The following KIF15 variants were observed in gnomAD, a reference collection of about 807,000 sequenced individuals.
KIF15 encodes the protein kinesin-like protein KIF15.
KIF15 carries 140 observed loss-of-function variants against 190.6 expected under a neutral mutation model. The ratio of observed to expected loss-of-function variants is 0.73; its 90% confidence interval spans 0.64 to 0.84. The LOEUF (loss-of-function observed/expected upper bound fraction) is 0.84, where lower values mean the gene tolerates loss of function less well. Among genes scored for constraint, KIF15 ranks in the 40% least tolerant of loss-of-function variants. The pLI, the probability that KIF15 is intolerant of heterozygous loss-of-function variation, is 0.00. For synonymous variants in KIF15, 528 were observed against 551.3 expected, an observed-to-expected ratio of 0.96 and a Z score of 0.59; for missense variants, 1,372 against 1,584.4, an observed-to-expected ratio of 0.87 and a Z score of 2.28.
intron 1 of KIF15, among the ~76,000 whole-genome samples, chr3:44,770,271 G>C (rs1179378843): frequency 6.6e-6 from 1 of 152,204 alleles, no homozygotes; most frequent in Non-Finnish European, 1.5e-5. Flanking sequence ...TACTTGGCTT[G>C]ATTCTTTGCA....
intron 7 of KIF15, among the ~76,000 whole-genome samples, chr3:44,787,805 T>C (rs1044070057): frequency 2.0e-5 from 3 of 152,200 alleles, no homozygotes; most frequent in Non-Finnish European, 4.4e-5. Flanking sequence ...GTATACCTTA[T>C]GTTTTTAGTT....
chr3:44,789,959 T>G (rs1030270077), intron 7 of KIF15, among the ~76,000 whole-genome samples: 2 of 151,908 alleles, frequency 1.3e-5, no homozygotes, highest in Non-Finnish European at 2.9e-5. Context: ...TAATAACAAC[T>G]AAGATAATTA....
At chr3:44,820,622 C>A (rs1282517370) in intron 20 of KIF15, among the ~76,000 whole-genome samples, 1 of 152,042 alleles carries the variant, frequency 6.6e-6, no homozygotes, top group Non-Finnish European at 1.5e-5. Flanking sequence ...ATCCATTTAA[C>A]CCTGAGTGGA....
chr3:44,783,266 C>T (rs1170924116), intron 5 of KIF15, among the ~76,000 whole-genome samples: 2 of 152,116 alleles, frequency 1.3e-5, no homozygotes, highest in African/African-American at 4.8e-5. Context: ...AGCATCTGCT[C>T]GGCTTCTGGT....
At chr3:44,861,713 C>A (rs1476812850) in intron 6 of KIF15, among the ~76,000 whole-genome samples, 1 of 152,280 alleles carries the variant, frequency 6.6e-6, no homozygotes, top group Non-Finnish European at 1.5e-5. Context: ...CTCCCCAGAG[C>A]ACAAACCTAC....
Position 44,826,457 on chromosome 3 carries a change from C to G in KIF15, c.2783C>G (p.Ser928Cys). ...LQFEEDKENSSKEILKVLEAV... is the reference protein window; with the variant it reads ...LQFEEDKENSCKEILKVLEAV... ...TTTGAAGAAGATAAAGAAAACAGTTCTAAGTGAGTGCTATTTATTTTTTCT... is the reference window on the plus strand; with the variant it reads ...TTTGAAGAAGATAAAGAAAACAGTTGTAAGTGAGTGCTATTTATTTTTTCT... The change falls in exon 22 of 35, where the codon TCT becomes TGT. Residue 928 changes from serine (S) to cysteine (C), a missense_variant. Ser to Cys is a moderately radical substitution (Grantham distance 112). Coordinates refer to ENST00000326047, the MANE Select transcript of KIF15 (RefSeq NM_020242.3). The G allele has an allele frequency of 6.3e-7, 1 of 1,583,586 alleles. No homozygotes were observed. Among genetic ancestry groups the G allele is most frequent in the Non-Finnish European group, 8.7e-7 (1 of 1,155,508 alleles).
chr3:44,783,493 C>G (rs1392809612), intron 5 of KIF15, among the ~76,000 whole-genome samples: 2 of 152,186 alleles, frequency 1.3e-5, no homozygotes, highest in Admixed American at 1.3e-4. Flanking sequence ...TTGTGCCCCC[C>G]ACACTCCATG....
intron 17 of KIF15, among the ~76,000 whole-genome samples, 185 bp from the exon 18 acceptor site, chr3:44,811,997 A>G (rs1575627109): frequency 2.0e-5 from 3 of 152,200 alleles, no homozygotes; most frequent in South Asian, 4.1e-4. Flanking sequence ...AACATTAGCA[A>G]TCATTTAGTA....
At chr3:44,856,030 A>G (rs1699184553), downstream of KIF15, among the ~76,000 whole-genome samples, 1 of 152,124 alleles carries the variant, frequency 6.6e-6, no homozygotes, top group South Asian at 2.1e-4. Flanking sequence ...TTCACTGAAT[A>G]CCAAGAGCCT....
In KIF15 at chr3:44,828,193, A is replaced by C. The variant is rs114723764; in HGVS notation, c.2857-21A>C. 6,347 of 1,572,216 alleles carry C rather than the reference A, an allele frequency of 4.0e-3. 163 individuals are homozygous for C. In the African/African-American group the frequency reaches 0.066, roughly 16 times the overall value. Reference sequence around the variant, plus strand: ...TTTGCGATTTAATTATTCTTCTAAAAATATTTCTTTTTCACCATAGATGGC... The same window carrying C: ...TTTGCGATTTAATTATTCTTCTAAACATATTTCTTTTTCACCATAGATGGC... On this transcript the variant is annotated intron_variant, in intron 23 of 34. Transcript: ENST00000326047.
chr3:44,812,059 G>A (rs1048572730), intron 17 of KIF15, 123 bp from the exon 18 acceptor site: 13 of 684,998 alleles, frequency 1.9e-5, no homozygotes, highest in Non-Finnish European at 2.8e-5. Context: ...TGATACCTTT[G>A]TTCATATGAG....
intron 26 of KIF15, among the ~76,000 whole-genome samples, 171 bp downstream of exon 26, chr3:44,831,189 A>G (rs1231185771): frequency 6.6e-6 from 1 of 152,084 alleles, no homozygotes; most frequent in African/African-American, 2.4e-5. Flanking sequence ...CCTCTACCTC[A>G]CTGCCTGCAC....
At chr3:44,768,009 C>T (rs960180138) in intron 1 of KIF15, among the ~76,000 whole-genome samples, 1 of 151,438 alleles carries the variant, frequency 6.6e-6, no homozygotes, top group Non-Finnish European at 1.5e-5. Context: ...GGCATGGTGG[C>T]TCACTACTGT....
chr3:44,777,705 CA>C (rs1705958215), intron 3 of KIF15, among the ~76,000 whole-genome samples: 2 of 152,028 alleles, frequency 1.3e-5, no homozygotes, highest in Non-Finnish European at 2.9e-5. Context: ...TAAAAATAAA[CA>C]GTGTAGGGTT....
chr3:44,779,006 A>C (rs1706037892), intron 4 of KIF15, among the ~76,000 whole-genome samples: 4 of 151,094 alleles, frequency 2.6e-5, no homozygotes, highest in African/African-American at 7.3e-5. Context: ...AAAAAACCAA[A>C]ACAAAAAAGA....
chr3:44,855,294 A>C (rs770719773), downstream of KIF15, among the ~76,000 whole-genome samples: 3 of 152,210 alleles, frequency 2.0e-5, no homozygotes, highest in Non-Finnish European at 4.4e-5. Flanking sequence ...AAAGAACCTT[A>C]AGGGTGGGGG....
chr3:44,772,986 C>G (rs1031759543), intron 1 of KIF15, among the ~76,000 whole-genome samples: 1 of 152,092 alleles, frequency 6.6e-6, no homozygotes, highest in Non-Finnish European at 1.5e-5. Flanking sequence ...CTAAGGTACC[C>G]CTCTTTCTGA....
chr3:44,852,113 C>A, intron 33 of KIF15, 95 bp from the exon 34 acceptor site: 1 of 1,481,454 alleles, frequency 6.8e-7, no homozygotes, highest in Non-Finnish European at 9.1e-7. Flanking sequence ...GACTCTCTGA[C>A]TTCCTGTGCT....
chr3:44,864,180 G>A (rs775138032), intron 6 of KIF15: 15 of 1,613,222 alleles, frequency 9.3e-6, no homozygotes, highest in African/African-American at 2.7e-5. Flanking sequence ...TGGCTGCAGT[G>A]ACACTTTCTC....
Sources: gnomAD v4.1 joint callset for allele counts (sites outside exome capture counted in the v4.1 genomes callset) on GRCh38, gnomAD v4.1.1 for gene constraint, MANE v1.5 for transcripts, NCBI Gene and HGNC (gene_info 2026-07-23, HGNC 2026-07-21) for gene names.